CPED1: variants seen among roughly 807,000 people sequenced by gnomAD.
CPED1 encodes the protein cadherin like and PC-esterase domain containing 1.
CPED1 carries 114 observed loss-of-function variants against 128.2 expected under a neutral mutation model. The observed-to-expected ratio is 0.89, with a 90% CI of 0.76 to 1.04. The LOEUF is 1.04. CPED1 is among the 50% of genes least tolerant of loss of function. The pLI is 0.00. For synonymous variants in CPED1, 462 were observed against 426.7 expected (o/e 1.08, Z -1.02); for missense variants, 1,211 against 1,207.1 (o/e 1.00, Z -0.05).
intron 16 of CPED1, among the ~76,000 whole-genome samples, chr7:121,160,711 A>C (rs910777453): frequency 1.3e-4 from 20 of 152,166 alleles, no homozygotes. Flanking sequence ...CAGGAATTCG[A>C]GGTAGAGCTA....
intron 2 of CPED1, among the ~76,000 whole-genome samples, chr7:121,005,120 A>C (rs1791974335): frequency 6.6e-6 from 1 of 152,164 alleles, no homozygotes; most frequent in Non-Finnish European, 1.5e-5. Context: ...AATATGATTA[A>C]ATTTTAAAGG....
chr7:121,148,658 G>T (rs1796081363), intron 16 of CPED1, among the ~76,000 whole-genome samples: 1 of 152,192 alleles, frequency 6.6e-6, no homozygotes, highest in Admixed American at 6.5e-5. Flanking sequence ...AATTGGGGAA[G>T]AGAGATGAGA....
At chr7:121,046,450 C>G (rs200020134) in intron 3 of CPED1, among the ~76,000 whole-genome samples, 1 of 152,036 alleles carries the variant, frequency 6.6e-6, no homozygotes, top group Non-Finnish European at 1.5e-5. Flanking sequence ...AAGCCCAGAA[C>G]AAAATATTTG....
chr7:121,146,839 G>C (rs1406786547), intron 16 of CPED1, among the ~76,000 whole-genome samples: 1 of 152,130 alleles, frequency 6.6e-6, no homozygotes, highest in African/African-American at 2.4e-5. Flanking sequence ...TTAATTACCA[G>C]TGAAGGAGAA....
Position 121,052,476 on chromosome 7 carries a change from G to A in CPED1, c.540+5483G>A, listed in dbSNP as rs944473298. 3.3e-5 allele frequency among the ~76,000 whole-genome samples: 5 copies of A among 152,196 alleles called. 1 individual carries two copies. Among genetic ancestry groups the A allele is most frequent in the Admixed American group, 3.3e-4 (5 of 15,294 alleles). On this transcript the variant is annotated intron_variant, in intron 4 of 22. Transcript: ENST00000310396. ...ATTTTGATCACGTTATTTAATCTCT[G>A]TAGCCTTCACCATCTTTTCCTGAAA... is the stretch of plus-strand genomic sequence containing the variant.
chr7:121,009,726 T>C (rs1052147340), intron 2 of CPED1, among the ~76,000 whole-genome samples: 4 of 151,936 alleles, frequency 2.6e-5, no homozygotes, highest in Admixed American at 6.6e-5. Context: ...ATGGAATATC[T>C]CATTTTATAA....
chr7:120,994,660 T>TG (rs60506801), intron 2 of CPED1, among the ~76,000 whole-genome samples: 17 of 127,400 alleles, frequency 1.3e-4, no homozygotes, highest in African/African-American at 4.8e-4. Context: ...TGTGTGTGTG[T>TG]TGTTGTTGTT....
At chr7:121,071,916 A>C (rs1794001177) in intron 5 of CPED1, among the ~76,000 whole-genome samples, 3 of 152,080 alleles carry the variant, frequency 2.0e-5, no homozygotes, top group Non-Finnish European at 4.4e-5. Context: ...CTGTCTCTGG[A>C]AGCTCAAACT....
At chr7:120,998,627 G>A (rs571199001) in intron 2 of CPED1, among the ~76,000 whole-genome samples, 4 of 152,236 alleles carry the variant, frequency 2.6e-5, no homozygotes, top group African/African-American at 9.6e-5. Flanking sequence ...ATCAACATAA[G>A]TCTTTGGATA....
intron 16 of CPED1, among the ~76,000 whole-genome samples, chr7:121,151,411 C>T (rs1240459797): frequency 1.3e-5 from 2 of 152,180 alleles, no homozygotes; most frequent in African/African-American, 2.4e-5. Flanking sequence ...GTTTATTGAG[C>T]ACTTGCTTTG....
intron 5 of CPED1, among the ~76,000 whole-genome samples, 184 bp downstream of exon 5, chr7:121,064,497 C>T (rs1013118114): frequency 3.9e-5 from 6 of 152,122 alleles, no homozygotes; most frequent in Admixed American, 6.6e-5. Flanking sequence ...GAATAACAAC[C>T]GTAACGTAAC....
chr7:121,152,627 A>G (rs1474396719), intron 16 of CPED1, among the ~76,000 whole-genome samples: 1 of 152,234 alleles, frequency 6.6e-6, no homozygotes, highest in East Asian at 1.9e-4. Context: ...GCCTAGGCAC[A>G]TAAAGAGTCC....
At chr7:121,249,116 CA>C (rs1253800489) in intron 18 of CPED1, among the ~76,000 whole-genome samples, 1 of 151,846 alleles carries the variant, frequency 6.6e-6, no homozygotes, top group Non-Finnish European at 1.5e-5. Context: ...TCAACTCAAA[CA>C]AGAATAAAGA....
chr7:121,103,430 T>C (rs1240636657), intron 7 of CPED1, among the ~76,000 whole-genome samples: 1 of 152,194 alleles, frequency 6.6e-6, no homozygotes, highest in African/African-American at 2.4e-5. Context: ...AGAGGATATT[T>C]ATTTACCCTT....
chr7:121,275,462 T>G (rs1007475586), intron 22 of CPED1, among the ~76,000 whole-genome samples: 14 of 152,182 alleles, frequency 9.2e-5, no homozygotes, highest in African/African-American at 3.4e-4. Flanking sequence ...CCTTCGGTTA[T>G]GTGGCAAACA....
intron 16 of CPED1, among the ~76,000 whole-genome samples, chr7:121,166,154 C>T (rs1439770809): frequency 6.6e-6 from 1 of 152,068 alleles, no homozygotes; most frequent in African/African-American, 2.4e-5. Context: ...AAACATTTCA[C>T]CAGAAGACCA....
intron 3 of CPED1, among the ~76,000 whole-genome samples, chr7:121,033,602 G>T (rs1285005827): frequency 1.3e-5 from 2 of 152,140 alleles, no homozygotes; most frequent in East Asian, 3.8e-4. Flanking sequence ...TATTTGAAAT[G>T]ACCCTGAACA....
intron 16 of CPED1, among the ~76,000 whole-genome samples, chr7:121,193,514 C>A (rs1797194130): frequency 6.6e-6 from 1 of 152,052 alleles, no homozygotes; most frequent in East Asian, 1.9e-4. Flanking sequence ...AATTCAATTT[C>A]TTCTTTAATT....
chr7:121,040,983 C>G (rs1414411792), intron 3 of CPED1, among the ~76,000 whole-genome samples: 3 of 152,008 alleles, frequency 2.0e-5, no homozygotes, highest in Non-Finnish European at 2.9e-5. Context: ...ATGTAAAGCA[C>G]TGGAATCTCC....
Sources: allele counts gnomAD v4.1 joint callset (sites outside exome capture counted in the v4.1 genomes callset), GRCh38; gene constraint gnomAD v4.1.1; transcripts MANE v1.5; gene names NCBI Gene and HGNC (gene_info 2026-07-23, HGNC 2026-07-21).